Variants in TRPM8 observed in about 807,000 individuals in gnomAD.
The protein encoded by TRPM8 is TRPM8 cationic channel.
Under a neutral mutation model 133.7 loss-of-function variants are expected in TRPM8, and 110 were observed. That is an observed-to-expected ratio of 0.82 (90% CI 0.70 to 0.96). The LOEUF (loss-of-function observed/expected upper bound fraction) is 0.96, where lower values mean the gene tolerates loss of function less well. Ranked by LOEUF, TRPM8 falls within the 40% of genes least tolerant of loss-of-function variation. The pLI is 0.00. For missense variants in TRPM8, 1,291 were observed against 1,379.5 expected (o/e 0.94, Z 1.02); for synonymous variants, 535 against 532.3 (o/e 1.01, Z -0.07).
At chr2:233,972,953 G>C (rs530327250) in intron 17 of TRPM8, among the ~76,000 whole-genome samples, 1 of 152,330 alleles carries the variant, frequency 6.6e-6, no homozygotes, top group Admixed American at 6.5e-5. Context: ...CTCAAGTGCC[G>C]CCAAAGTGGG....
rs181583591 is a variant in TRPM8, at chr2:233,972,736, C to T, written c.2355+2310C>T. ...GGTGCTAAACCTCTCATTGCCCGGG[C>T]GGGCAGGGCCGGCCGGCTGCTCCCA... On this transcript the variant is annotated intron_variant, in intron 17 of 25. Transcript: ENST00000324695. 4.2e-3 allele frequency among the ~76,000 whole-genome samples: 644 copies of T among 152,310 alleles called. 2 individuals are homozygous for T. Among genetic ancestry groups the T allele is most frequent in the African/African-American group, 0.014 (585 of 41,574 alleles).
rs1167199351 is a variant in TRPM8, at chr2:233,969,705, C to T, written c.2036C>T (p.Ser679Phe). 6.2e-7 allele frequency: 1 copy of T among 1,608,426 alleles called. No homozygotes were observed. Among genetic ancestry groups the T allele is most frequent in the African/African-American group, 1.3e-5 (1 of 74,746 alleles). ...IAQPGVQNFLSKQWYGEISRD... is the reference protein window; with the variant it reads ...IAQPGVQNFLFKQWYGEISRD... ...TTTGTTTCCCTGTAGAATTTTCTTT[C>T]TAAGCAATGGTATGGAGAGATTTCC... Residue 679 changes from serine to phenylalanine, a missense_variant, in exon 16 of 26, where the codon TCT (serine) becomes TTT (phenylalanine). Ser to Phe is a radical substitution (Grantham distance 155). Coordinates refer to ENST00000324695, the MANE Select transcript of TRPM8 (RefSeq NM_024080.5).
rs1028234678 is a variant in TRPM8, at chr2:233,988,975, G to A, written c.2939+3110G>A. Among the ~76,000 whole-genome samples, 14 of 152,220 alleles carry A rather than the reference G, an allele frequency of 9.2e-5. 1 individual carries two copies. Among genetic ancestry groups the A allele is most frequent in the Admixed American group, 9.2e-4 (14 of 15,288 alleles). On this transcript the variant is annotated intron_variant, in intron 21 of 25. Transcript: ENST00000324695. ...TTCTTTACAGTGATAAGATGTCATAGCTACACTGGATAGTCCTGTAAGAAC... is the reference window on the plus strand; with the variant it reads ...TTCTTTACAGTGATAAGATGTCATAACTACACTGGATAGTCCTGTAAGAAC...
At chr2:233,998,089 C>A (rs909000915) in intron 22 of TRPM8, among the ~76,000 whole-genome samples, 6 of 152,106 alleles carry the variant, frequency 3.9e-5, no homozygotes, top group African/African-American at 1.2e-4. Flanking sequence ...ATAGAAAGGG[C>A]ACCCCTGGCC....
rs78862506 is a variant in TRPM8, at chr2:233,960,718, G to T, written c.1363-58G>T. ...CTACTGAGGAAGAAAAATGCCTAGTGCTTTCCTTACCATATTTTTATAGTA... is the reference window on the plus strand; with the variant it reads ...CTACTGAGGAAGAAAAATGCCTAGTTCTTTCCTTACCATATTTTTATAGTA... On this transcript the variant is annotated intron_variant, in intron 11 of 25. Transcript: ENST00000324695. 60 of 1,453,158 alleles carry T rather than the reference G, an allele frequency of 4.1e-5. No homozygotes were observed. The African/African-American group carries it at 8.1e-4, about 20-fold the overall frequency. The allele number at this position is 1,453,158 out of a possible 1,614,324, so 90.0% of individuals were successfully genotyped here.
intron 25 of TRPM8, among the ~76,000 whole-genome samples, chr2:234,015,112 T>G (rs1692927386): frequency 6.6e-6 from 1 of 152,238 alleles, no homozygotes; most frequent in African/African-American, 2.4e-5. Flanking sequence ...GTTAATCATC[T>G]TTTTACTAAC....
chr2:233,924,610 A>T (rs552621290), intron 1 of TRPM8, among the ~76,000 whole-genome samples: 1 of 152,320 alleles, frequency 6.6e-6, no homozygotes, highest in South Asian at 2.1e-4. Context: ...ACCAGTTGAG[A>T]CTACCAGCTG....
chr2:233,983,328 T>C, intron 20 of TRPM8, 104 bp downstream of exon 20: 1 of 1,294,382 alleles, frequency 7.7e-7, no homozygotes, highest in Non-Finnish European at 1.1e-6. Flanking sequence ...AGCACGCGCG[T>C]GAAACGGAGT....
chr2:233,965,187 C>T (rs867183141), intron 14 of TRPM8, among the ~76,000 whole-genome samples: 2 of 152,106 alleles, frequency 1.3e-5, no homozygotes, highest in Admixed American at 6.5e-5. Context: ...CCTGGGCCTG[C>T]GACACTCATG....
intron 12 of TRPM8, 60 bp downstream of exon 12, chr2:233,961,126 G>T (rs1244423183): frequency 6.6e-7 from 1 of 1,525,962 alleles, no homozygotes; most frequent in Non-Finnish European, 8.9e-7. Context: ...TCCCTCATAA[G>T]ATATCTCCAT....
chr2:233,929,551 C>G (rs531177413), intron 2 of TRPM8, among the ~76,000 whole-genome samples: 15 of 152,348 alleles, frequency 9.8e-5, no homozygotes, highest in African/African-American at 3.4e-4. Flanking sequence ...AGAACTCCAG[C>G]TGCCAGTATC....
At chr2:233,999,244 T>G (rs1231552813) in intron 22 of TRPM8, among the ~76,000 whole-genome samples, 1 of 152,022 alleles carries the variant, frequency 6.6e-6, no homozygotes, top group Non-Finnish European at 1.5e-5. Flanking sequence ...GGCTGGCTGG[T>G]CTGGACATCC....
chr2:233,977,721 G>A (rs988902273), intron 17 of TRPM8, among the ~76,000 whole-genome samples: 2 of 152,198 alleles, frequency 1.3e-5, no homozygotes, highest in Non-Finnish European at 2.9e-5. Flanking sequence ...TGAGTGAATA[G>A]GGTGACAAGA....
intron 9 of TRPM8, among the ~76,000 whole-genome samples, chr2:233,951,365 A>C (rs193093252): frequency 2.9e-4 from 44 of 152,330 alleles, no homozygotes; most frequent in Non-Finnish European, 2.1e-4. Context: ...TGATGGATGG[A>C]ATAAATTCAG....
At chr2:233,966,524 C>A in intron 14 of TRPM8, 86 bp from the exon 15 acceptor site, 1 of 1,549,986 alleles carries the variant, frequency 6.5e-7, no homozygotes, top group Non-Finnish European at 8.8e-7. Context: ...TTTTTGGATT[C>A]AGGGGTTGGC....
chr2:234,007,402 G>A (rs1692721736), intron 23 of TRPM8, among the ~76,000 whole-genome samples: 1 of 152,188 alleles, frequency 6.6e-6, no homozygotes, highest in Non-Finnish European at 1.5e-5. Flanking sequence ...TCTGTTACAG[G>A]CTGTCCATGA....
intron 18 of TRPM8, among the ~76,000 whole-genome samples, chr2:233,980,538 A>G (rs1029862851): frequency 4.0e-5 from 6 of 151,818 alleles, no homozygotes; most frequent in African/African-American, 1.5e-4. Flanking sequence ...GGGGAGAATT[A>G]TTTTTTTTAA....
At chr2:234,007,532 C>A (rs761478557) in intron 23 of TRPM8, among the ~76,000 whole-genome samples, 1 of 152,130 alleles carries the variant, frequency 6.6e-6, no homozygotes, top group Non-Finnish European at 1.5e-5. Flanking sequence ...GTAGGTGGCC[C>A]AGAAGTAATG....
intron 3 of TRPM8, 114 bp from the exon 4 acceptor site, chr2:233,937,239 T>A (rs1690775926): frequency 7.5e-7 from 1 of 1,333,864 alleles, no homozygotes; most frequent in Admixed American, 2.3e-5. Flanking sequence ...GAAAACAGTC[T>A]GAAAATAAGA....
Sources: gnomAD v4.1 joint callset for allele counts (sites outside exome capture counted in the v4.1 genomes callset) on GRCh38, gnomAD v4.1.1 for gene constraint, MANE v1.5 for transcripts, NCBI Gene and HGNC (gene_info 2026-07-23, HGNC 2026-07-21) for gene names.